RANBP17: variants seen among roughly 807,000 people sequenced by gnomAD.
The protein encoded by RANBP17 is ran-binding protein 17.
Under a neutral mutation model 141.2 loss-of-function variants are expected in RANBP17, and 158 were observed. The observed-to-expected ratio is 1.12, with a 90% CI of 0.98 to 1.28. The LOEUF (loss-of-function observed/expected upper bound fraction) is 1.28. Ranked by LOEUF, RANBP17 falls within the 50% of genes most tolerant of loss-of-function variation. The pLI is 0.00. For missense variants in RANBP17, 1,438 were observed against 1,290.7 expected, an observed-to-expected ratio of 1.11 and a Z score of -1.75; for synonymous variants, 430 against 450.0, an observed-to-expected ratio of 0.96 and a Z score of 0.56.
At chr5:170,875,479 A>G (rs969180785) in intron 1 of RANBP17, among the ~76,000 whole-genome samples, 2 of 151,962 alleles carry the variant, frequency 1.3e-5, no homozygotes, top group Non-Finnish European at 2.9e-5. Flanking sequence ...TGGTCTTTTT[A>G]CGTAGTCCCA....
chr5:171,006,332 A>G (rs1197765972), intron 14 of RANBP17, among the ~76,000 whole-genome samples: 1 of 152,212 alleles, frequency 6.6e-6, no homozygotes, highest in Non-Finnish European at 1.5e-5. Context: ...AATAGCAAAG[A>G]CTTGGAACCA....
intron 13 of RANBP17, among the ~76,000 whole-genome samples, chr5:170,957,192 T>C (rs1015323090): frequency 5.3e-5 from 8 of 152,104 alleles, no homozygotes; most frequent in Admixed American, 2.6e-4. Flanking sequence ...CAAATATTAG[T>C]TTTTTATTTA....
intron 18 of RANBP17, among the ~76,000 whole-genome samples, chr5:171,187,427 A>C (rs1338805816): frequency 6.6e-6 from 1 of 152,144 alleles, no homozygotes; most frequent in East Asian, 1.9e-4. Flanking sequence ...GGTTTGCCAC[A>C]AATCTTTAAT....
chr5:170,909,029 A>T (rs937034674), intron 5 of RANBP17, among the ~76,000 whole-genome samples: 1 of 151,922 alleles, frequency 6.6e-6, no homozygotes, highest in Non-Finnish European at 1.5e-5. Context: ...TGGTATGAAT[A>T]GTATAATTTT....
intron 18 of RANBP17, among the ~76,000 whole-genome samples, chr5:171,192,336 A>T (rs1046402015): frequency 2.0e-5 from 3 of 152,214 alleles, no homozygotes; most frequent in Non-Finnish European, 4.4e-5. Flanking sequence ...AAAGCAGCCC[A>T]TTAAGTCCAG....
chr5:171,229,481 G>A (rs1438231086), intron 22 of RANBP17, among the ~76,000 whole-genome samples: 1 of 151,836 alleles, frequency 6.6e-6, no homozygotes, highest in African/African-American at 2.4e-5. Flanking sequence ...TGCAACCTCT[G>A]CCTCCTGGGT....
At chr5:170,911,693 T>TA (rs1290647724) in intron 7 of RANBP17, among the ~76,000 whole-genome samples, 1 of 151,896 alleles carries the variant, frequency 6.6e-6, no homozygotes, top group Non-Finnish European at 1.5e-5. Flanking sequence ...GAAAAAAGTT[T>TA]AATATGAAGA....
intron 14 of RANBP17, among the ~76,000 whole-genome samples, chr5:170,977,379 C>T (rs1320823789): frequency 6.6e-6 from 1 of 151,854 alleles, no homozygotes; most frequent in Non-Finnish European, 1.5e-5. Context: ...AAATAGGAAT[C>T]TTCATACACT....
chr5:171,158,322 GT>G, intron 14 of RANBP17: 1 of 183,058 alleles, frequency 5.5e-6, no homozygotes, highest in Non-Finnish European at 1.2e-5. Flanking sequence ...TTGGAATTTT[GT>G]TTTCCCCTAG....
chr5:171,039,410 A>AT (rs966211858), intron 14 of RANBP17, among the ~76,000 whole-genome samples: 1 of 149,460 alleles, frequency 6.7e-6, no homozygotes, highest in African/African-American at 2.5e-5. Flanking sequence ...TCTTTTGTCT[A>AT]TTTTTTTTAA....
chr5:171,009,511 T>C (rs1779881471), intron 14 of RANBP17, among the ~76,000 whole-genome samples: 1 of 152,160 alleles, frequency 6.6e-6, no homozygotes, highest in South Asian at 2.1e-4. Flanking sequence ...TTTGTAGTGT[T>C]CATCAGATTC....
At chr5:171,017,559 G>A (rs1780534995) in intron 14 of RANBP17, among the ~76,000 whole-genome samples, 2 of 152,152 alleles carry the variant, frequency 1.3e-5, no homozygotes, top group Non-Finnish European at 2.9e-5. Context: ...CTTCTTTTGA[G>A]AAGTGTCTGT....
chr5:171,020,682 C>T (rs1055788408), intron 14 of RANBP17, among the ~76,000 whole-genome samples: 3 of 151,654 alleles, frequency 2.0e-5, no homozygotes, highest in African/African-American at 7.3e-5. Flanking sequence ...GCATGTGAGA[C>T]GGGTCTCCTG....
chr5:170,875,820 A>T (rs1439385484), intron 1 of RANBP17, among the ~76,000 whole-genome samples: 1 of 152,160 alleles, frequency 6.6e-6, no homozygotes, highest in Non-Finnish European at 1.5e-5. Context: ...TTGGAGAAGA[A>T]GCACTCTGGC....
intron 14 of RANBP17, among the ~76,000 whole-genome samples, chr5:171,111,555 A>T (rs548873247): frequency 6.6e-6 from 1 of 152,136 alleles, no homozygotes; most frequent in East Asian, 1.9e-4. Context: ...TCTTTCAGTG[A>T]GCCCCATTTC....
intron 22 of RANBP17, among the ~76,000 whole-genome samples, chr5:171,240,164 A>C (rs769480968): frequency 5.4e-4 from 81 of 150,458 alleles, no homozygotes; most frequent in Non-Finnish European, 5.1e-4. Flanking sequence ...TATTTTTTTA[A>C]AACATTATCA....
In RANBP17 at chr5:170,885,548, T is replaced by G. The variant is rs139040743; in HGVS notation, c.256+3652T>G. On this transcript the variant is annotated intron_variant, in intron 3 of 27. Transcript: ENST00000523189. ...TAATCATTCTTAACCTCTTTGTAGC[T>G]AAAAGTTTAGAGTAGTTGAAATCTG... Among the ~76,000 whole-genome samples, 618 of 152,308 alleles carry G rather than the reference T, an allele frequency of 4.1e-3. 5 individuals are homozygous for G. The highest frequency in any genetic ancestry group is 0.014 in the African/African-American group (596 of 41,570).
chr5:171,049,854 C>T (rs1581492307), intron 14 of RANBP17, among the ~76,000 whole-genome samples: 1 of 152,264 alleles, frequency 6.6e-6, no homozygotes, highest in South Asian at 2.1e-4. Context: ...CAGTACCATG[C>T]TGTTTCAGTT....
At chr5:171,102,007 C>T (rs1259494320) in intron 14 of RANBP17, among the ~76,000 whole-genome samples, 1 of 152,180 alleles carries the variant, frequency 6.6e-6, no homozygotes, top group East Asian at 1.9e-4. Flanking sequence ...CAACCTTTCT[C>T]TCTGTCTGCC....
Sources: gnomAD v4.1 joint callset for allele counts (sites outside exome capture counted in the v4.1 genomes callset) on GRCh38, gnomAD v4.1.1 for gene constraint, MANE v1.5 for transcripts, NCBI Gene and HGNC (gene_info 2026-07-23, HGNC 2026-07-21) for gene names.